Variants in SVOPL observed in about 807,000 individuals in gnomAD.
SVOPL encodes the protein putative transporter SVOPL.
SVOPL carries 60 observed loss-of-function variants against 61.0 expected under a neutral mutation model. The observed-to-expected ratio is 0.98, with a 90% confidence interval of 0.80 to 1.22. SVOPL has a LOEUF of 1.22. Among genes scored for constraint, SVOPL ranks in the 50% most tolerant of loss-of-function variants. The probability of loss-of-function intolerance (pLI) is 0.00; values close to 1 mark genes in which losing one functional copy is unlikely to be tolerated. For missense variants in SVOPL, 662 were observed against 643.9 expected (o/e 1.03, Z -0.30); for synonymous variants, 279 against 250.0 (o/e 1.12, Z -1.09).
At chr7:138,641,687 A>C (rs943819637) in intron 9 of SVOPL, among the ~76,000 whole-genome samples, 1 of 149,978 alleles carries the variant, frequency 6.7e-6, no homozygotes, top group African/African-American at 2.4e-5. Context: ...AAAAAAAAAA[A>C]AGATAACCTC....
rs77999280 is a variant in SVOPL at position 138,651,202 on chromosome 7, A to G, written c.535-2065T>C. Among the ~76,000 whole-genome samples, 969 of 152,270 alleles carry G rather than the reference A, an allele frequency of 6.4e-3. 7 individuals carry two copies. Among genetic ancestry groups the G allele is most frequent in the African/African-American group, 0.022 (923 of 41,556 alleles). Reference sequence around the variant, plus strand: ...CCACTGAAAGCTCGGTGTGGAAGAAAGTTTATCCTGGATGCATCCCTAGGC... The same window carrying G: ...CCACTGAAAGCTCGGTGTGGAAGAAGGTTTATCCTGGATGCATCCCTAGGC... On this transcript the variant is annotated intron_variant, in intron 7 of 15. Transcript: ENST00000674285.
chr7:138,600,226 AATTG>A (rs1452440054), intron 14 of SVOPL, among the ~76,000 whole-genome samples: 1 of 152,242 alleles, frequency 6.6e-6, no homozygotes, highest in Non-Finnish European at 1.5e-5. Flanking sequence ...AAGCTGCTCA[AATTG>A]ATTAATAATG....
chr7:138,602,445 A>AGC lies in SVOPL; in HGVS notation c.1354-5916_1354-5915insGC, dbSNP rs1798566299. Among the ~76,000 whole-genome samples, 15 of 14,470 alleles carry AGC rather than the reference A, an allele frequency of 1.0e-3. No homozygotes were observed. The South Asian group carries it at 0.026, about 25-fold the overall frequency. 9.5% of individuals were successfully genotyped at this position (14,470 alleles called of 152,430 possible). On this transcript the variant is annotated intron_variant, in intron 14 of 15. Coordinates refer to ENST00000674285, the MANE Select transcript of SVOPL (RefSeq NM_001139456.2). ...ATTAGTGAGAAAAGGCAGTTGCTAT[A>AGC]TATATATATATATATATATATATAT...
rs1563095613 is a variant in SVOPL at position 138,621,878 on chromosome 7, CTATCTATCTATCTATCTATCTATCTATG to C, written c.1264-771_1264-744del. Among the ~76,000 whole-genome samples, 125 of 43,370 alleles carry C rather than the reference CTATCTATCTATCTATCTATCTATCTATG, an allele frequency of 2.9e-3. 4 individuals carry two copies. Among genetic ancestry groups the C allele is most frequent in the African/African-American group, 7.3e-3 (71 of 9,772 alleles). The allele number at this position is 43,370 out of a possible 152,430, so 28.5% of individuals were successfully genotyped here. A position where few individuals can be genotyped will look rare whatever the true frequency, so the allele number is the denominator to read the frequency against. On this transcript the variant is annotated intron_variant, in intron 13 of 15. Coordinates refer to ENST00000674285, the MANE Select transcript of SVOPL (RefSeq NM_001139456.2). ...TCTATCTATCTATCTATCTATCTAT[CTATCTATCTATCTATCTATCTATCTATG>C]TATCTATCTATGTATCTATCTATGT... is the stretch of plus-strand genomic sequence containing the variant.
At chr7:138,671,922 T>C in intron 4 of SVOPL, 97 bp downstream of exon 4, 1 of 1,087,078 alleles carries the variant, frequency 9.2e-7, no homozygotes, top group East Asian at 2.6e-5. Context: ...ACAGTGGCAG[T>C]GGTGAGACAC....
intron 13 of SVOPL, among the ~76,000 whole-genome samples, chr7:138,623,922 C>T (rs192609540): frequency 1.3e-3 from 202 of 152,192 alleles, no homozygotes; most frequent in Non-Finnish European, 2.1e-3. Context: ...CAGGTTCACA[C>T]GATTCTCCTG....
chr7:138,596,407 C>T lies in SVOPL; in HGVS notation c.1467+10G>A, dbSNP rs1431540597. ...GTTGAAAAGACTTCAGAGTTCCCTG[C>T]ATCACTCACCTGGAGGGCCCGTCCT... is the stretch of plus-strand genomic sequence containing the variant. On this transcript the variant is annotated intron_variant, in intron 15 of 15. Transcript: ENST00000674285. The T allele has an allele frequency of 6.2e-7, 1 of 1,612,872 alleles. No individual in the cohort carries two copies. The highest frequency in any genetic ancestry group is 1.3e-5 in the African/African-American group (1 of 74,876).
intron 14 of SVOPL, among the ~76,000 whole-genome samples, chr7:138,605,270 A>C (rs1435781539): frequency 6.6e-6 from 1 of 152,124 alleles, no homozygotes; most frequent in East Asian, 1.9e-4. Context: ...CAACATCCTC[A>C]AAAGTGCCAG....
chr7:138,635,270 CA>C (rs112228411), intron 9 of SVOPL, among the ~76,000 whole-genome samples: 91,749 of 138,242 alleles, frequency 0.66, 30,598 homozygotes, highest in Middle Eastern at 0.78. Flanking sequence ...AAAACTGTCT[CA>C]AAAAAAAAAA....
At chr7:138,663,036 AAAGAC>A in intron 5 of SVOPL, 33 bp downstream of exon 5, 1 of 1,613,790 alleles carries the variant, frequency 6.2e-7, no homozygotes, top group African/African-American at 1.3e-5. Flanking sequence ...AGAATACACA[AAAGAC>A]AATTCCAAAT....
chr7:138,658,391 C>T (rs1256245696), intron 6 of SVOPL, among the ~76,000 whole-genome samples: 2 of 152,116 alleles, frequency 1.3e-5, no homozygotes, highest in Non-Finnish European at 2.9e-5. Flanking sequence ...TAAACTCTTC[C>T]AACAAATTCA....
At chr7:138,651,193 G>A (rs1311714077) in intron 7 of SVOPL, among the ~76,000 whole-genome samples, 2 of 152,162 alleles carry the variant, frequency 1.3e-5, no homozygotes, top group Non-Finnish European at 2.9e-5. Flanking sequence ...AAAGCTCGGT[G>A]TGGAAGAAAG....
chr7:138,675,775 AC>A (rs1353592675), intron 3 of SVOPL, among the ~76,000 whole-genome samples: 1 of 152,058 alleles, frequency 6.6e-6, no homozygotes, highest in East Asian at 1.9e-4. Context: ...TGTTGAGTGG[AC>A]CCCATATCTT....
chr7:138,594,735 G>A, intron 15 of SVOPL, 114 bp from the exon 16 acceptor site: 3 of 699,702 alleles, frequency 4.3e-6, no homozygotes, highest in Non-Finnish European at 4.3e-6. Flanking sequence ...AAATTATTAG[G>A]AGGGAAAATC....
chr7:138,611,900 A>G (rs1270164679), intron 14 of SVOPL, among the ~76,000 whole-genome samples: 8 of 31,018 alleles, frequency 2.6e-4, no homozygotes, highest in Admixed American at 4.0e-4. Context: ...AGGTGTGCCC[A>G]ACAGCTCATT....
At chr7:138,691,044 G>C (rs971069144) in intron 1 of SVOPL, among the ~76,000 whole-genome samples, 2 of 152,020 alleles carry the variant, frequency 1.3e-5, no homozygotes, top group Non-Finnish European at 2.9e-5. Flanking sequence ...CAAAGTGCTG[G>C]GCTTATAGGC....
rs1563095672 is a variant in SVOPL, at chr7:138,621,902, CTATG to C, written c.1264-771_1264-768del. On this transcript the variant is annotated intron_variant, in intron 13 of 15. Transcript: ENST00000674285. ...TCTATCTATCTATCTATCTATCTATCTATGTATCTATCTATGTATCTATCTATGT... is the reference window on the plus strand; with the variant it reads ...TCTATCTATCTATCTATCTATCTATCTATCTATCTATGTATCTATCTATGT... 5.3e-4 allele frequency among the ~76,000 whole-genome samples: 57 copies of C among 107,354 alleles called. 1 individual carries two copies. The highest frequency in any genetic ancestry group is 1.9e-3 in the African/African-American group (54 of 28,268). The allele number at this position is 107,354 out of a possible 152,430, so 70.4% of individuals were successfully genotyped here. A position where few individuals can be genotyped will look rare whatever the true frequency, so the allele number is the denominator to read the frequency against.
intron 12 of SVOPL, among the ~76,000 whole-genome samples, chr7:138,626,663 GA>G (rs1799906152): frequency 3.3e-5 from 5 of 152,062 alleles, no homozygotes; most frequent in Admixed American, 3.3e-4. Flanking sequence ...AAAGTTCTGG[GA>G]TTACTGGTGT....
intron 3 of SVOPL, among the ~76,000 whole-genome samples, chr7:138,673,185 A>T (rs893724053): frequency 1.3e-5 from 2 of 152,208 alleles, no homozygotes; most frequent in Non-Finnish European, 2.9e-5. Flanking sequence ...TTATACTTGT[A>T]TGACTTGGAG....
Sources: gnomAD v4.1 joint callset for allele counts (sites outside exome capture counted in the v4.1 genomes callset) on GRCh38, gnomAD v4.1.1 for gene constraint, MANE v1.5 for transcripts, NCBI Gene and HGNC (gene_info 2026-07-23, HGNC 2026-07-21) for gene names.